NOL7: variants seen among roughly 807,000 people sequenced by gnomAD.
NOL7 encodes nucleolar protein 7.
NOL7 carries 36 observed loss-of-function variants against 38.4 expected under a neutral mutation model. The observed-to-expected ratio is 0.94, with a 90% CI of 0.72 to 1.24. NOL7 has a LOEUF of 1.24. Ranked by LOEUF, NOL7 falls within the 50% of genes most tolerant of loss-of-function variation. The pLI is 0.00. For synonymous variants in NOL7, 142 were observed against 126.5 expected (o/e 1.12, Z -0.82); for missense variants, 350 against 315.1 (o/e 1.11, Z -0.84).
chr6:13,632,353 A>G, intron 8 of NOL7: 1 of 1,605,642 alleles, frequency 6.2e-7, no homozygotes, highest in Non-Finnish European at 8.5e-7. Flanking sequence ...TAATTTTTCA[A>G]GAAAAAATAT....
At chr6:13,624,804 T>C (rs1317139578), downstream of NOL7, among the ~76,000 whole-genome samples, 1 of 152,160 alleles carries the variant, frequency 6.6e-6, no homozygotes, top group East Asian at 1.9e-4. Flanking sequence ...TTTTATTGGG[T>C]AAGGGCATGT....
chr6:13,620,273 C>T lies in NOL7; in HGVS notation c.566C>T (p.Ala189Val). ...DQDLRDSRQQ[A>V]AQAFIHNSLY... ...GATCTGAGAGATTCAAGGCAACAAG[C>T]AGCACAAGCCTTCATACATAATTCA... The change falls in exon 6 of 8, where the codon GCA becomes GTA. Residue 189 changes from alanine to valine, a missense_variant. Transcript: ENST00000451315. 8.1e-6 allele frequency: 13 copies of T among 1,614,134 alleles called. No homozygotes were observed. The highest frequency in any genetic ancestry group is 1.1e-5 in the Non-Finnish European group (13 of 1,179,982).
chr6:13,623,030 A>C (rs1764498305), downstream of NOL7, among the ~76,000 whole-genome samples: 1 of 152,192 alleles, frequency 6.6e-6, no homozygotes, highest in Non-Finnish European at 1.5e-5. Context: ...AACATACAGC[A>C]GAGCCACCCC....
At chr6:13,625,086 C>CT (rs1764564097), downstream of NOL7, among the ~76,000 whole-genome samples, 1 of 152,152 alleles carries the variant, frequency 6.6e-6, no homozygotes, top group Non-Finnish European at 1.5e-5. Flanking sequence ...CACTCCCTTA[C>CT]TTCCATTTTC....
Position 13,615,374 on chromosome 6 carries a change from C to A in NOL7, c.16C>A (p.Pro6Thr), listed in dbSNP as rs994713089. 8 of 1,513,164 alleles carry A rather than the reference C, an allele frequency of 5.3e-6. No individual in the cohort carries two copies. The highest frequency in any genetic ancestry group is 6.2e-6 in the Non-Finnish European group (7 of 1,133,106). The allele number at this position is 1,513,164 out of a possible 1,614,324, so 93.7% of individuals were successfully genotyped here. A position where few individuals can be genotyped will look rare whatever the true frequency, so the allele number is the denominator to read the frequency against. Reference protein sequence around the residue: MVQLRPRASRAPASAE... With the variant: MVQLRTRASRAPASAE... ...TGCGTGGGCCATGGTGCAGCTCCGACCGCGAGCGTCTCGCGCCCCGGCGTC... is the reference window on the plus strand; with the variant it reads ...TGCGTGGGCCATGGTGCAGCTCCGAACGCGAGCGTCTCGCGCCCCGGCGTC... Residue 6 changes from proline to threonine, a missense_variant, in exon 1 of 8, where the codon CCG becomes ACG. Physicochemically the swap from Pro to Thr is conservative, Grantham distance 38 (BLOSUM62 -1). Transcript: ENST00000451315.
intron 7 of NOL7, 24 bp from the exon 8 acceptor site, chr6:13,620,730 A>G (rs758335325): frequency 6.8e-7 from 1 of 1,462,082 alleles, no homozygotes; most frequent in Non-Finnish European, 9.4e-7. Context: ...TAATATACTT[A>G]CTGCAGAAAA....
chr6:13,629,367 C>T (rs182101328), intron 8 of NOL7, among the ~76,000 whole-genome samples: 76 of 152,262 alleles, frequency 5.0e-4, no homozygotes, highest in Non-Finnish European at 7.8e-4. Context: ...AATAGTGTCA[C>T]TACAGTTATT....
intron 8 of NOL7, among the ~76,000 whole-genome samples, chr6:13,629,430 T>C (rs1764714223): frequency 6.6e-6 from 1 of 152,214 alleles, no homozygotes. Context: ...TGAAAATACC[T>C]GAAATATGTA....
Position 13,620,414 on chromosome 6 carries a change from A to G in NOL7, c.629A>G (p.Lys210Arg), listed in dbSNP as rs768754075. ...GPGTNRTTVN[K>R]FLSLANKRLP... ...AAATACCTTTCTTTTCTAGTAAATA[A>G]GTTCCTGTCTCTTGCCAACAAGAGG... Residue 210 changes from lysine to arginine, a missense_variant, in exon 7 of 8, where the codon AAG becomes AGG. Coordinates refer to ENST00000451315, the MANE Select transcript of NOL7 (RefSeq NM_016167.5). The G allele has an allele frequency of 6.2e-6, 10 of 1,614,006 alleles. No individual in the cohort carries two copies. Among genetic ancestry groups the G allele is most frequent in the Middle Eastern group, 1.6e-4 (1 of 6,078 alleles).
downstream of NOL7, chr6:13,622,553 C>G (rs367639789): frequency 1.4e-6 from 2 of 1,473,104 alleles, no homozygotes; most frequent in Non-Finnish European, 1.8e-6. Flanking sequence ...AAAAACATTT[C>G]AATCAGGAGA....
Position 13,618,099 on chromosome 6 carries a change from G to A in NOL7, c.460G>A (p.Asp154Asn). 6.3e-7 allele frequency: 1 copy of A among 1,591,076 alleles called. No individual in the cohort carries two copies. The highest frequency in any genetic ancestry group is 8.6e-7 in the Non-Finnish European group (1 of 1,160,910). ...KKNEDCEKGN[D>N]SKKVKVQKVQ... ...AAATGAAGACTGTGAAAAAGGAAAT[G>A]ACTCCAAGAAAGTTAAAGTACAAAA... Residue 154 changes from aspartate (D) to asparagine (N), a missense_variant, in exon 5 of 8, where the codon GAC (aspartate) becomes AAC (asparagine). Coordinates refer to ENST00000451315, the MANE Select transcript of NOL7 (RefSeq NM_016167.5).
rs1562291837 is a variant in NOL7 at position 13,620,786 on chromosome 6, A to AAAAG, written c.735_738dup (p.Arg247LysfsTer11). The AAAAG allele has an allele frequency of 6.2e-7, 1 of 1,604,984 alleles. No homozygotes were observed. Among genetic ancestry groups the AAAAG allele is most frequent in the African/African-American group, 1.3e-5 (1 of 74,582 alleles). ...AAAAAAACAAAATGCCAAGAGGTTT[A>AAAAG]AAAGACGGTGGATGGTCAGAAAGAT... On this transcript the variant is annotated frameshift_variant, in exon 8 of 8. Transcript: ENST00000451315. LOFTEE classifies it high-confidence loss of function.
downstream of NOL7, among the ~76,000 whole-genome samples, chr6:13,622,997 AGTG>A (rs761146343): frequency 3.3e-5 from 5 of 152,158 alleles, no homozygotes; most frequent in African/African-American, 7.2e-5. Flanking sequence ...GTGGGGAGTA[AGTG>A]GTGGTGGTGA....
At chr6:13,625,021 T>G (rs1764561673), downstream of NOL7, among the ~76,000 whole-genome samples, 1 of 152,206 alleles carries the variant, frequency 6.6e-6, no homozygotes, top group African/African-American at 2.4e-5. Flanking sequence ...GAGGACCAGC[T>G]AGGAATCCTG....
At chr6:13,629,212 G>A (rs2127760112) in intron 8 of NOL7, among the ~76,000 whole-genome samples, 2 of 152,304 alleles carry the variant, frequency 1.3e-5, no homozygotes. Flanking sequence ...CTGGGCTCAA[G>A]CAATCCTCCT....
chr6:13,617,791 G>C lies in NOL7; in HGVS notation c.408G>C (p.Lys136Asn). 6.2e-7 allele frequency: 1 copy of C among 1,613,732 alleles called. No homozygotes were observed. Among genetic ancestry groups the C allele is most frequent in the East Asian group, 2.2e-5 (1 of 44,876 alleles). The change falls in exon 4 of 8, where the codon AAG becomes AAC. Residue 136 changes from lysine to asparagine, a missense_variant. By Grantham distance (94) the Lys-to-Asn change is moderately conservative. Coordinates refer to ENST00000451315, the MANE Select transcript of NOL7 (RefSeq NM_016167.5). ...SQTNIKKSPG[K>N]VKEVNLQKKN... ...TTAGCATCAAGAAATCGCCAGGAAAGGTGAAAGAAGGTATGACTATTCTAA... is the reference window on the plus strand; with the variant it reads ...TTAGCATCAAGAAATCGCCAGGAAACGTGAAAGAAGGTATGACTATTCTAA...
At chr6:13,626,723 C>T (rs1245777320) in intron 8 of NOL7, among the ~76,000 whole-genome samples, 1 of 152,010 alleles carries the variant, frequency 6.6e-6, no homozygotes, top group East Asian at 1.9e-4. Context: ...TTCAGGAACA[C>T]AACACTTTGA....
downstream of NOL7, among the ~76,000 whole-genome samples, chr6:13,624,702 C>G (rs777508299): frequency 2.0e-5 from 3 of 152,184 alleles, no homozygotes; most frequent in African/African-American, 4.8e-5. Context: ...GGAATGGCAA[C>G]CAAACGAACA....
downstream of NOL7, among the ~76,000 whole-genome samples, chr6:13,623,681 A>G (rs1033502654): frequency 2.0e-5 from 3 of 152,238 alleles, no homozygotes; most frequent in Non-Finnish European, 2.9e-5. Context: ...TGAAATTTTC[A>G]TAACACTATA....
Sources: gnomAD v4.1 joint callset for allele counts (sites outside exome capture counted in the v4.1 genomes callset) on GRCh38, gnomAD v4.1.1 for gene constraint, MANE v1.5 for transcripts, NCBI Gene and HGNC (gene_info 2026-07-23, HGNC 2026-07-21) for gene names.